The following RHPN2 variants were observed in gnomAD, a reference collection of about 807,000 sequenced individuals.
RHPN2 encodes the protein rhophilin-2.
Under a neutral mutation model 79.0 loss-of-function variants are expected in RHPN2, and 40 were observed. That is an observed-to-expected ratio of 0.51 (90% CI 0.39 to 0.66). The LOEUF (loss-of-function observed/expected upper bound fraction) is 0.66. RHPN2 is among the 30% of genes least tolerant of loss of function. The pLI is 0.00. For missense variants in RHPN2, 686 were observed against 883.5 expected (o/e 0.78, Z 2.83); for synonymous variants, 285 against 363.5 (o/e 0.78, Z 2.46).
chr19:33,008,638 C>T (rs566292329), intron 6 of RHPN2, among the ~76,000 whole-genome samples: 2 of 152,016 alleles, frequency 1.3e-5, no homozygotes, highest in East Asian at 1.9e-4. Flanking sequence ...GGCATGGTGG[C>T]GGGCGCCTGT....
At chr19:33,058,319 G>A (rs1219716627) in intron 1 of RHPN2, among the ~76,000 whole-genome samples, 2 of 152,214 alleles carry the variant, frequency 1.3e-5, no homozygotes, top group African/African-American at 2.4e-5. Context: ...GAATGCCCCA[G>A]AACCTGAGGA....
At chr19:33,044,208 A>T (rs1176594154) in intron 2 of RHPN2, 41 bp downstream of exon 2, 1 of 1,442,718 alleles carries the variant, frequency 6.9e-7, no homozygotes, top group Non-Finnish European at 9.8e-7. Flanking sequence ...GGAACAGATG[A>T]CTAGGACTCA....
chr19:33,041,238 C>T lies in RHPN2; in HGVS notation c.185+3011G>A, dbSNP rs570977778. ...CAGATCTACTTTCCTTTGGGGGCTG[C>T]GGTAGGAAACCTGGGAACCAGAAGA... On this transcript the variant is annotated intron_variant, in intron 2 of 14. Transcript: ENST00000254260. Among the ~76,000 whole-genome samples the T allele has an allele frequency of 3.9e-5, 6 of 152,026 alleles. No homozygotes were observed. In the South Asian group the frequency reaches 1.2e-3, roughly 32 times the overall value.
chr19:33,053,106 G>A (rs971408294), intron 1 of RHPN2, among the ~76,000 whole-genome samples: 37 of 151,770 alleles, frequency 2.4e-4, no homozygotes, highest in African/African-American at 8.7e-4. Flanking sequence ...TGAGTAGCTG[G>A]GATTACAGGA....
chr19:32,996,219 C>A lies in RHPN2; in HGVS notation c.1227G>T (p.Gly409=). Residue 409 remains glycine, a splice_region_variant and synonymous_variant, in exon 11 of 15, where the codon GGG becomes GGT. Transcript: ENST00000254260. ...LKNDQQRRQL[G]KSHLRRAMAH... ...CCATGGCTCTGCGCAAGTGGGACTT[C>A]CCTGCAGACGGAAGCCAGCACCCAC... 1.9e-6 allele frequency: 3 copies of A among 1,614,116 alleles called. No homozygotes were observed. The South Asian group carries it at 3.3e-5, about 18-fold the overall frequency.
intron 1 of RHPN2, among the ~76,000 whole-genome samples, chr19:33,055,860 G>T (rs180883476): frequency 2.6e-5 from 4 of 152,118 alleles, no homozygotes; most frequent in African/African-American, 9.6e-5. Context: ...GTCCAGGCTG[G>T]AGGTTTCTGT....
chr19:33,022,901 C>T (rs1461505598), intron 3 of RHPN2, among the ~76,000 whole-genome samples: 1 of 152,110 alleles, frequency 6.6e-6, no homozygotes, highest in Non-Finnish European at 1.5e-5. Flanking sequence ...CTCCTCCAGG[C>T]TACTCAGGGC....
At chr19:33,045,920 A>G (rs1724502403) in intron 1 of RHPN2, among the ~76,000 whole-genome samples, 1 of 152,190 alleles carries the variant, frequency 6.6e-6, no homozygotes, top group Non-Finnish European at 1.5e-5. Flanking sequence ...CTTATTCAAG[A>G]TTATTTCATA....
chr19:33,008,757 C>G (rs1971813831), intron 6 of RHPN2, among the ~76,000 whole-genome samples: 1 of 152,032 alleles, frequency 6.6e-6, no homozygotes, highest in Non-Finnish European at 1.5e-5. Flanking sequence ...GCGACAACAA[C>G]AACAACAAAC....
intron 1 of RHPN2, among the ~76,000 whole-genome samples, chr19:33,054,348 G>C (rs762892530): frequency 6.6e-6 from 1 of 151,708 alleles, no homozygotes; most frequent in Admixed American, 6.6e-5. Flanking sequence ...TTACAGGCAC[G>C]CAGCACCACA....
rs775507452 is a variant in RHPN2 at position 32,980,255 on chromosome 19, T to C, written c.1802A>G (p.His601Arg). 38 of 1,613,798 alleles carry C rather than the reference T, an allele frequency of 2.4e-5. No individual in the cohort carries two copies. The highest frequency in any genetic ancestry group is 6.7e-5 in the Admixed American group (4 of 59,980). Residue 601 changes from histidine to arginine, a missense_variant and splice_region_variant, in exon 15 of 15, where the codon CAT becomes CGT. By Grantham distance (29) the His-to-Arg change is conservative. Transcript: ENST00000254260. Reference protein sequence around the residue: ...VSLLDSTSSMHNKSATYSVGM... With the variant: ...VSLLDSTSSMRNKSATYSVGM... ...CACGGAGTATGTGGCACTCTTATTA[T>C]GCTGCACATAGAAAAGTAAGAAAAA...
At chr19:33,012,766 A>T in intron 4 of RHPN2, 42 bp from the exon 5 acceptor site, 1 of 1,137,996 alleles carries the variant, frequency 8.8e-7, no homozygotes, top group South Asian at 1.2e-5. Flanking sequence ...GTGTGGCTGA[A>T]AACCATATGT....
At chr19:32,993,078 G>A (rs1203188750) in intron 12 of RHPN2, among the ~76,000 whole-genome samples, 2 of 152,048 alleles carry the variant, frequency 1.3e-5, no homozygotes, top group African/African-American at 4.8e-5. Flanking sequence ...TGATCATGCC[G>A]CTGTAATCCA....
chr19:32,982,665 T>C (rs1262363425), intron 14 of RHPN2, among the ~76,000 whole-genome samples: 1 of 152,024 alleles, frequency 6.6e-6, no homozygotes, highest in Non-Finnish European at 1.5e-5. Context: ...AAGTCCATTG[T>C]GTATCAAAAC....
chr19:33,049,357 T>G (rs538819370), intron 1 of RHPN2, among the ~76,000 whole-genome samples: 2 of 152,194 alleles, frequency 1.3e-5, no homozygotes, highest in South Asian at 4.1e-4. Flanking sequence ...CTATCTTGTG[T>G]AATAACGAGA....
chr19:33,061,628 C>T (rs1972281321), intron 1 of RHPN2, among the ~76,000 whole-genome samples: 1 of 151,860 alleles, frequency 6.6e-6, no homozygotes. Flanking sequence ...GGATTACAGG[C>T]GCCTGCCGCT....
chr19:33,012,557 A>G, intron 5 of RHPN2, 90 bp downstream of exon 5: 1 of 850,814 alleles, frequency 1.2e-6, no homozygotes, highest in Non-Finnish European at 2.1e-6. Context: ...TCCACCCGCG[A>G]TTCTGTTAAG....
At position 33,044,336 on chromosome 19, in the gene RHPN2, C is replaced by T. The variant is rs776582819; in HGVS notation, c.98G>A (p.Arg33Gln). 13 of 1,614,054 alleles carry T rather than the reference C, an allele frequency of 8.1e-6. No homozygotes were observed. Among genetic ancestry groups the T allele is most frequent in the South Asian group, 3.3e-5 (3 of 91,074 alleles). ...KGCNPLAQTG[R>Q]SKLQNQRAAL... Reference sequence around the variant, plus strand: ...AGCTCTTTGATTCTGCAATTTACTCCGGCCGGTTTGTGCAAGGGGATTACA... The same window carrying T: ...AGCTCTTTGATTCTGCAATTTACTCTGGCCGGTTTGTGCAAGGGGATTACA... Residue 33 changes from arginine to glutamine, a missense_variant, in exon 2 of 15, where the codon CGG (arginine) becomes CAG (glutamine). Physicochemically the swap from Arg to Gln is conservative, Grantham distance 43. Transcript: ENST00000254260.
At chr19:32,980,344 A>C in intron 14 of RHPN2, 88 bp from the exon 15 acceptor site, 3 of 1,489,704 alleles carry the variant, frequency 2.0e-6, no homozygotes, top group Non-Finnish European at 2.8e-6. Context: ...GCGGTGGCTC[A>C]CACCTGTAAT....
Sources: allele counts gnomAD v4.1 joint callset (sites outside exome capture counted in the v4.1 genomes callset), GRCh38; gene constraint gnomAD v4.1.1; transcripts MANE v1.5; gene names NCBI Gene and HGNC (gene_info 2026-07-23, HGNC 2026-07-21).